IL20RA: variants seen among roughly 807,000 people sequenced by gnomAD.
The protein encoded by IL20RA is interleukin-20 receptor subunit alpha.
Under a neutral mutation model 36.5 loss-of-function variants are expected in IL20RA, and 29 were observed. The ratio of observed to expected loss-of-function variants is 0.79; its 90% CI spans 0.59 to 1.08. IL20RA has a LOEUF of 1.08. Among genes scored for constraint, IL20RA ranks in the 50% least tolerant of loss-of-function variants. The pLI is 0.00. For missense variants in IL20RA, 652 were observed against 668.4 expected (o/e 0.98, Z 0.27); for synonymous variants, 279 against 267.1 (o/e 1.04, Z -0.43).
At position 137,004,776 on chromosome 6, in the gene IL20RA, A is replaced by T. The variant is rs1474742867; in HGVS notation, c.725-16T>A. The T allele has an allele frequency of 2.5e-6, 4 of 1,574,340 alleles. No individual in the cohort carries two copies. The highest frequency in any genetic ancestry group is 3.4e-6 in the Non-Finnish European group (4 of 1,167,392). On this transcript the variant is annotated splice_polypyrimidine_tract_variant and intron_variant, in intron 5 of 6. Coordinates refer to ENST00000316649, the MANE Select transcript of IL20RA (RefSeq NM_014432.4). ...GATGATTGATCTGTAAAAAAAAAAAAAAAGGTGGGAATTCGGGGGAAGGGA... is the reference window on the plus strand; with the variant it reads ...GATGATTGATCTGTAAAAAAAAAAATAAAGGTGGGAATTCGGGGGAAGGGA...
chr6:137,043,315 G>T (rs1663364368), intron 1 of IL20RA, among the ~76,000 whole-genome samples: 2 of 151,968 alleles, frequency 1.3e-5, no homozygotes, highest in Admixed American at 1.3e-4. Flanking sequence ...TGCCCAGGCT[G>T]GTCTGAAACT....
intron 1 of IL20RA, among the ~76,000 whole-genome samples, chr6:137,034,207 T>A (rs1258856392): frequency 6.6e-6 from 1 of 152,182 alleles, no homozygotes; most frequent in African/African-American, 2.4e-5. Flanking sequence ...AGAAAAATCA[T>A]CCTTTCCATG....
rs1394077177 is a variant in IL20RA, at chr6:137,002,231, A to G, written c.989T>C (p.Leu330Pro). The change falls in exon 7 of 7, where the codon CTG (leucine) becomes CCG (proline). Residue 330 changes from leucine to proline, a missense_variant. Physicochemically the swap from Leu to Pro is moderately conservative, Grantham distance 98. Coordinates refer to ENST00000316649, the MANE Select transcript of IL20RA (RefSeq NM_014432.4). ...GCTGGATACATCACTGCTTTTTCCC[A>G]GTAAACTCATATCCTGATGAGAAAT... ...SKISHQDMSLLGKSSDVSSLN... is the reference protein window; with the variant it reads ...SKISHQDMSLPGKSSDVSSLN... 19 of 1,614,046 alleles carry G rather than the reference A, an allele frequency of 1.2e-5. No individual in the cohort carries two copies. The highest frequency in any genetic ancestry group is 1.5e-5 in the Non-Finnish European group (18 of 1,180,026).
chr6:137,042,302 A>G (rs1456316725), intron 1 of IL20RA, among the ~76,000 whole-genome samples: 2 of 152,318 alleles, frequency 1.3e-5, no homozygotes, highest in African/African-American at 4.8e-5. Flanking sequence ...GCCACACAGG[A>G]TCTTGTAGAA....
intron 3 of IL20RA, among the ~76,000 whole-genome samples, chr6:137,010,292 C>T (rs1319383202): frequency 6.6e-6 from 1 of 152,196 alleles, no homozygotes; most frequent in African/African-American, 2.4e-5. Context: ...TCCACTCTTG[C>T]TGTATTGCGA....
intron 2 of IL20RA, among the ~76,000 whole-genome samples, chr6:137,014,168 G>A (rs577167710): frequency 6.6e-6 from 1 of 152,228 alleles, no homozygotes; most frequent in Non-Finnish European, 1.5e-5. Flanking sequence ...TGAGGTCACT[G>A]TGAGTCGCTG....
rs1270752771 is a variant in IL20RA, at chr6:137,001,926, A to G, written c.1294T>C (p.Leu432=). Residue 432 remains leucine, a synonymous_variant, in exon 7 of 7, where the codon TTG becomes CTG. Transcript: ENST00000316649. ...QEEVSTQGTL[L]ESQAALAVLG... ...ACTGCCAACGCTGCCTGCGACTCCAATAATGTTCCTTGTGTGGACACCTCC... is the reference window on the plus strand; with the variant it reads ...ACTGCCAACGCTGCCTGCGACTCCAGTAATGTTCCTTGTGTGGACACCTCC... 3 of 1,613,980 alleles carry G rather than the reference A, an allele frequency of 1.9e-6. No individual in the cohort carries two copies. Among genetic ancestry groups the G allele is most frequent in the African/African-American group, 2.7e-5 (2 of 74,894 alleles).
At chr6:137,009,265 A>G (rs1562230915) in intron 4 of IL20RA, 52 bp downstream of exon 4, 1 of 1,437,142 alleles carries the variant, frequency 7.0e-7, no homozygotes, top group Non-Finnish European at 9.8e-7. Context: ...TTGTTCCCAC[A>G]TTAGCTACAG....
chr6:137,029,361 G>T (rs1444537528), intron 1 of IL20RA, among the ~76,000 whole-genome samples: 1 of 152,154 alleles, frequency 6.6e-6, no homozygotes, highest in African/African-American at 2.4e-5. Context: ...TATGAAATTA[G>T]CCAGGCATGG....
intron 1 of IL20RA, among the ~76,000 whole-genome samples, chr6:137,034,548 C>T (rs1307805785): frequency 1.3e-5 from 2 of 152,124 alleles, no homozygotes; most frequent in African/African-American, 4.8e-5. Flanking sequence ...GCTATTTATC[C>T]TGATGCTCTC....
intron 1 of IL20RA, among the ~76,000 whole-genome samples, chr6:137,031,135 G>A (rs1776264086): frequency 6.6e-6 from 1 of 152,196 alleles, no homozygotes; most frequent in Non-Finnish European, 1.5e-5. Flanking sequence ...GCAAATGGCA[G>A]GCCAATGGCA....
chr6:137,044,422 G>C (rs1776822387), intron 1 of IL20RA: 2 of 953,962 alleles, frequency 2.1e-6, no homozygotes, highest in Admixed American at 9.3e-5. Flanking sequence ...CTGCAAACTT[G>C]ACCCCGAGCC....
intron 5 of IL20RA, among the ~76,000 whole-genome samples, chr6:137,007,934 G>A (rs1389382609): frequency 1.3e-5 from 2 of 152,172 alleles, no homozygotes; most frequent in African/African-American, 2.4e-5. Flanking sequence ...TGATGTTCTT[G>A]AAGACCACAG....
At chr6:137,043,795 A>G (rs1776796592) in intron 1 of IL20RA, among the ~76,000 whole-genome samples, 1 of 152,206 alleles carries the variant, frequency 6.6e-6, no homozygotes, top group African/African-American at 2.4e-5. Context: ...TTTTTAAAAT[A>G]ATTTTTTTAA....
intron 1 of IL20RA, among the ~76,000 whole-genome samples, chr6:137,025,535 G>C (rs276493): frequency 0.2 from 29,728 of 152,178 alleles, 3,121 homozygotes; most frequent in Middle Eastern, 0.27. Flanking sequence ...AATTCTTCTA[G>C]CCCAGCTTCA....
intron 5 of IL20RA, among the ~76,000 whole-genome samples, chr6:137,006,684 A>G (rs1408681307): frequency 6.6e-6 from 1 of 152,076 alleles, no homozygotes; most frequent in Non-Finnish European, 1.5e-5. Flanking sequence ...GCACGGGTTC[A>G]GAACCAGAAA....
chr6:137,009,553 T>C, intron 3 of IL20RA, 61 bp from the exon 4 acceptor site: 1 of 981,218 alleles, frequency 1.0e-6, no homozygotes, highest in Non-Finnish European at 1.6e-6. Flanking sequence ...TAGGTAAAGC[T>C]ACCATATAAT....
intron 1 of IL20RA, among the ~76,000 whole-genome samples, chr6:137,043,480 T>C (rs911544448): frequency 6.6e-6 from 1 of 152,236 alleles, no homozygotes; most frequent in African/African-American, 2.4e-5. Flanking sequence ...GTCAGTCGTT[T>C]CTTCCCATTC....
rs756416263 is a variant in IL20RA, at chr6:137,004,649, A to T, written c.836T>A (p.Val279Asp). The T allele has an allele frequency of 1.2e-6, 2 of 1,613,828 alleles. No homozygotes were observed. The highest frequency in any genetic ancestry group is 2.2e-5 in the East Asian group (1 of 44,882). Residue 279 changes from valine to aspartate, a missense_variant, in exon 6 of 7, where the codon GTT (valine) becomes GAT (aspartate). Coordinates refer to ENST00000316649, the MANE Select transcript of IL20RA (RefSeq NM_014432.4). ...MGYSIYRYIH[V>D]GKEKHPANLI... ...ATTTGCTGGGTGTTTCTCTTTGCCA[A>T]CGTGGATATATCGGTAGATGGAATA...
Sources: gnomAD v4.1 joint callset for allele counts (sites outside exome capture counted in the v4.1 genomes callset) on GRCh38, gnomAD v4.1.1 for gene constraint, MANE v1.5 for transcripts, NCBI Gene and HGNC (gene_info 2026-07-23, HGNC 2026-07-21) for gene names.